The following COL6A3 variants were observed in gnomAD, a reference collection of about 807,000 sequenced individuals.
The protein encoded by COL6A3 is collagen type VI alpha 3 chain.
Under a neutral mutation model 274.1 loss-of-function variants are expected in COL6A3, and 137 were observed. That is an observed-to-expected ratio of 0.50 (90% CI 0.44 to 0.58). COL6A3 has a LOEUF of 0.58. Among genes scored for constraint, COL6A3 ranks in the 20% least tolerant of loss-of-function variants. COL6A3 has a pLI of 0.00. For missense variants in COL6A3, 3,950 were observed against 4,124.9 expected (o/e 0.96, Z 1.16); for synonymous variants, 1,650 against 1,650.6 (o/e 1.00, Z 0.01).
At chr2:237,333,792 C>T (rs1668487161) in intron 41 of COL6A3, among the ~76,000 whole-genome samples, 2 of 152,146 alleles carry the variant, frequency 1.3e-5, no homozygotes, top group Admixed American at 1.3e-4. Context: ...CTCTCACTTC[C>T]CAGACAGCCT....
intron 32 of COL6A3, 143 bp downstream of exon 32, chr2:237,346,360 T>C (rs775023731): frequency 2.8e-5 from 20 of 718,222 alleles, no homozygotes; most frequent in Non-Finnish European, 4.3e-5. Context: ...TGCATCATGA[T>C]GTCAGAGAGG....
intron 10 of COL6A3, among the ~76,000 whole-genome samples, chr2:237,367,795 C>T (rs1224518074): frequency 6.6e-6 from 1 of 152,162 alleles, no homozygotes; most frequent in African/African-American, 2.4e-5. Context: ...GGATGATGGT[C>T]TGAGAGCTTT....
At chr2:237,333,641 T>C (rs897981252) in intron 41 of COL6A3, 93 bp from the exon 42 acceptor site, 6 of 1,060,504 alleles carry the variant, frequency 5.7e-6, no homozygotes, top group African/African-American at 1.6e-5. Flanking sequence ...CCTGCTGTGA[T>C]TAATGTCTTA....
Position 237,407,813 on chromosome 2 carries a change from G to A in COL6A3, c.-31+6140C>T, listed in dbSNP as rs2078758008. ...ACAAGATTTTGTCTGCACTTATACT[G>A]CTAATTATAAACATCAGGCAGAGAC... On this transcript the variant is annotated intron_variant, in intron 1 of 43. Coordinates refer to ENST00000295550, the MANE Select transcript of COL6A3 (RefSeq NM_004369.4). The surrounding 1 kb of genome is among the most constrained non-coding windows in gnomAD (Gnocchi z 4.3). Among the ~76,000 whole-genome samples the A allele has an allele frequency of 6.6e-6, 1 of 152,156 alleles. No homozygotes were observed. Among genetic ancestry groups the A allele is most frequent in the Admixed American group, 6.5e-5 (1 of 15,290 alleles).
intron 28 of COL6A3, 114 bp from the exon 29 acceptor site, chr2:237,348,777 G>T (rs1439349700): frequency 1.1e-6 from 1 of 880,250 alleles, no homozygotes; most frequent in Non-Finnish European, 1.9e-6. Flanking sequence ...TGAAATGTTT[G>T]CAGACTAAGG....
intron 4 of COL6A3, among the ~76,000 whole-genome samples, chr2:237,381,905 C>T (rs911447687): frequency 1.3e-5 from 2 of 152,188 alleles, no homozygotes; most frequent in African/African-American, 4.8e-5. Flanking sequence ...CTTTGCCTCA[C>T]AGTCTTCATT....
chr2:237,378,558 G>C, intron 6 of COL6A3, 78 bp downstream of exon 6: 1 of 1,603,278 alleles, frequency 6.2e-7, no homozygotes, highest in Non-Finnish European at 8.5e-7. Context: ...CAGTGCTCTT[G>C]AGTTCAGACT....
At chr2:237,351,347 G>A (rs1200683293) in intron 26 of COL6A3, among the ~76,000 whole-genome samples, 155 bp from the exon 27 acceptor site, 4 of 152,230 alleles carry the variant, frequency 2.6e-5, no homozygotes, top group Admixed American at 1.3e-4. Flanking sequence ...CTCTGAGCAC[G>A]GGGCTACGGA....
At chr2:237,392,804 A>G (rs2078325351) in intron 3 of COL6A3, among the ~76,000 whole-genome samples, 1 of 152,204 alleles carries the variant, frequency 6.6e-6, no homozygotes, top group Non-Finnish European at 1.5e-5. Context: ...TGTATGGACA[A>G]CCTTTGTGAG....
chr2:237,368,985 T>C lies in COL6A3; in HGVS notation c.4478A>G (p.Tyr1493Cys), dbSNP rs753698536. The C allele has an allele frequency of 1.2e-6, 2 of 1,614,186 alleles. No individual in the cohort carries two copies. Among genetic ancestry groups the C allele is most frequent in the South Asian group, 1.1e-5 (1 of 91,072 alleles). Residue 1493 changes from tyrosine to cysteine, a missense_variant, in exon 10 of 44, where the codon TAC (tyrosine) becomes TGC (cysteine). By Grantham distance (194) the Tyr-to-Cys change is radical. Coordinates refer to ENST00000295550, the MANE Select transcript of COL6A3 (RefSeq NM_004369.4). The surrounding 1 kb of genome is among the most constrained non-coding windows in gnomAD (Gnocchi z 4.4). ...DVFPEFYLKT[Y>C]RSQAPVLDAI... ...GTCCAGCACCGGGGCCTGGGATCTG[T>C]AGGTTTTCAGATAGAATTCTGGGAA... is the stretch of plus-strand genomic sequence containing the variant.
At chr2:237,324,944 C>G (rs1427862506) in intron 43 of COL6A3, 130 bp from the exon 44 acceptor site, 2 of 986,482 alleles carry the variant, frequency 2.0e-6, no homozygotes, top group African/African-American at 1.6e-5. Flanking sequence ...GTTTCCATCA[C>G]CTGTCCCACT....
chr2:237,354,057 G>T (rs1239811822), intron 24 of COL6A3, among the ~76,000 whole-genome samples: 1 of 151,110 alleles, frequency 6.6e-6, no homozygotes, highest in Admixed American at 6.6e-5. Context: ...AGTTGCCCAG[G>T]CTGGAGTGCA....
chr2:237,329,691 A>G (rs1700123128), intron 42 of COL6A3: 2 of 152,352 alleles, frequency 1.3e-5, no homozygotes, highest in South Asian at 4.1e-4. Context: ...AACATGGCCA[A>G]CCAAATACTG....
intron 23 of COL6A3, 167 bp from the exon 24 acceptor site, chr2:237,355,101 G>A (rs2106336766): frequency 7.9e-6 from 5 of 631,598 alleles, no homozygotes; most frequent in East Asian, 2.8e-5. Flanking sequence ...TCAGCCCTGG[G>A]GAAACTCGCA....
chr2:237,350,198 T>C lies in COL6A3; in HGVS notation c.6828A>G (p.Gly2276=). 6.2e-7 allele frequency: 1 copy of C among 1,614,084 alleles called. No individual in the cohort carries two copies. The highest frequency in any genetic ancestry group is 8.5e-7 in the Non-Finnish European group (1 of 1,179,962). ...CGATTCCTCCTTTTGGTCCTGGCTC[T>C]CCGGGCTCACCCTAGACATGAGAAA... ...TGPLGRKGEP[G]EPGPKGGIGN... The change falls in exon 28 of 44, where the codon GGA becomes GGG. Residue 2276 remains glycine (G), a synonymous_variant. Coordinates refer to ENST00000295550, the MANE Select transcript of COL6A3 (RefSeq NM_004369.4).
intron 43 of COL6A3, among the ~76,000 whole-genome samples, chr2:237,325,119 T>A (rs898881090): frequency 6.6e-6 from 1 of 152,174 alleles, no homozygotes; most frequent in Non-Finnish European, 1.5e-5. Flanking sequence ...CAGGCTCTGT[T>A]CAAAGTGTTT....
rs771261077 is a variant in COL6A3, at chr2:237,364,964, T to C, written c.5839-536A>G. On this transcript the variant is annotated intron_variant, in intron 12 of 43. Coordinates refer to ENST00000295550, the MANE Select transcript of COL6A3 (RefSeq NM_004369.4). This position sits in a 1 kb window ranked among gnomAD's most constrained non-coding sequence, Gnocchi z 4.6. Reference sequence around the variant, plus strand: ...ATGTGTGCATGTGTTATGGGCTAAATTGTGTCCCCTCAAAATTTGTATGTT... The same window carrying C: ...ATGTGTGCATGTGTTATGGGCTAAACTGTGTCCCCTCAAAATTTGTATGTT... Among the ~76,000 whole-genome samples the C allele has an allele frequency of 6.6e-5, 10 of 151,762 alleles. No individual in the cohort carries two copies. The highest frequency in any genetic ancestry group is 1.9e-4 in the African/African-American group (8 of 41,312).
intron 7 of COL6A3, among the ~76,000 whole-genome samples, chr2:237,375,582 G>C (rs992006534): frequency 6.6e-6 from 1 of 152,108 alleles, no homozygotes; most frequent in Non-Finnish European, 1.5e-5. Context: ...CGCTCTTGTC[G>C]CCCAGGCTAG....
intron 6 of COL6A3, 121 bp downstream of exon 6, chr2:237,378,515 A>G (rs2077909061): frequency 1.4e-6 from 2 of 1,453,408 alleles, no homozygotes; most frequent in East Asian, 2.3e-5. Context: ...AACTATTTCA[A>G]TGGAAGGGAG....
Sources: allele counts gnomAD v4.1 joint callset (sites outside exome capture counted in the v4.1 genomes callset), GRCh38; gene constraint gnomAD v4.1.1; non-coding constraint Gnocchi (gnomAD v3.1); transcripts MANE v1.5; gene names NCBI Gene and HGNC (gene_info 2026-07-23, HGNC 2026-07-21).